The following UNC13C variants were observed in gnomAD, a reference collection of about 807,000 sequenced individuals.
The protein encoded by UNC13C is protein unc-13 homolog C.
UNC13C carries 174 observed loss-of-function variants against 245.4 expected under a neutral mutation model. The ratio of observed to expected loss-of-function variants is 0.71; its 90% confidence interval spans 0.63 to 0.80. UNC13C has a LOEUF of 0.80. Ranked by LOEUF, UNC13C falls within the 30% of genes least tolerant of loss-of-function variation. UNC13C has a pLI of 0.00. For synonymous variants in UNC13C, 992 were observed against 895.1 expected, an observed-to-expected ratio of 1.11 and a Z score of -1.93; for missense variants, 2,829 against 2,602.9, an observed-to-expected ratio of 1.09 and a Z score of -1.89.
At chr15:54,591,931 G>T (rs964740863) in intron 30 of UNC13C, among the ~76,000 whole-genome samples, 12 of 151,868 alleles carry the variant, frequency 7.9e-5, no homozygotes, top group African/African-American at 2.9e-4. Flanking sequence ...AGGTGTTTAG[G>T]GTTATGAACT....
chr15:53,870,284 G>A, the UNC13C span, among the ~76,000 whole-genome samples: 1 of 152,128 alleles, frequency 6.6e-6, no homozygotes. Context: ...TCTCCTTTGA[G>A]AAGTCACTTT....
intron 19 of UNC13C, among the ~76,000 whole-genome samples, chr15:54,489,322 G>A (rs1024986210): frequency 1.3e-5 from 2 of 152,114 alleles, no homozygotes; most frequent in African/African-American, 4.8e-5. Flanking sequence ...TATTTTACTT[G>A]TATGATTACT....
rs56316345 is a variant in UNC13C, at chr15:54,172,703, GATATATATATATATAT to G, written c.3071+29062_3071+29077del. Among the ~76,000 whole-genome samples, 552 of 78,348 alleles carry G rather than the reference GATATATATATATATAT, an allele frequency of 7.0e-3. 8 individuals carry two copies. The highest frequency in any genetic ancestry group is 0.017 in the African/African-American group (345 of 20,294). The allele number at this position is 78,348 out of a possible 152,430, so 51.4% of individuals were successfully genotyped here. On this transcript the variant is annotated intron_variant, in intron 4 of 32. Transcript: ENST00000260323. ...TATGACAAAGTCAAATACACACACA[GATATATATATATATAT>G]ATATATATATATATATATATATATA... is the stretch of plus-strand genomic sequence containing the variant.
At chr15:54,270,329 G>A (rs2036654238) in intron 10 of UNC13C, among the ~76,000 whole-genome samples, 1 of 152,024 alleles carries the variant, frequency 6.6e-6, no homozygotes, top group Admixed American at 6.6e-5. Context: ...TGTGAACTGG[G>A]GTGGAAAAAT....
intron 2 of UNC13C, among the ~76,000 whole-genome samples, chr15:54,057,277 A>G (rs187030339): frequency 0.018 from 2,750 of 151,576 alleles, 63 homozygotes; most frequent in Admixed American, 0.066. Flanking sequence ...TCTACCAAGC[A>G]AATGGAAAAC....
At chr15:54,543,092 G>A (rs1382400024) in intron 26 of UNC13C, among the ~76,000 whole-genome samples, 1 of 152,072 alleles carries the variant, frequency 6.6e-6, no homozygotes, top group Non-Finnish European at 1.5e-5. Context: ...TCTTCATAGT[G>A]TCAATGGTCT....
chr15:53,879,693 A>G, the UNC13C span, among the ~76,000 whole-genome samples: 4 of 151,966 alleles, frequency 2.6e-5, no homozygotes, highest in East Asian at 5.8e-4. Context: ...GGTTCAAGCA[A>G]TTCTCTGCCT....
chr15:54,550,205 C>T (rs1896678002), intron 28 of UNC13C, among the ~76,000 whole-genome samples: 1 of 152,122 alleles, frequency 6.6e-6, no homozygotes, highest in African/African-American at 2.4e-5. Context: ...TATTCCATTT[C>T]TACCTACTAG....
At chr15:54,300,939 A>C (rs1373398856) in intron 13 of UNC13C, among the ~76,000 whole-genome samples, 1 of 152,168 alleles carries the variant, frequency 6.6e-6, no homozygotes, top group African/African-American at 2.4e-5. Flanking sequence ...TTTATTTAGC[A>C]CCCATAGAAC....
the UNC13C span, among the ~76,000 whole-genome samples, chr15:53,894,792 T>C: frequency 7.2e-5 from 11 of 152,314 alleles, 1 homozygote; most frequent in Admixed American, 7.2e-4. Flanking sequence ...TATAATTTTG[T>C]AAAACTTTTA....
intron 1 of UNC13C, among the ~76,000 whole-genome samples, chr15:53,984,189 C>T (rs1894035635): frequency 6.6e-6 from 1 of 152,032 alleles, no homozygotes; most frequent in Admixed American, 6.6e-5. Flanking sequence ...GCCTTAAATA[C>T]TTAGTATGGC....
chr15:54,238,075 G>A (rs1315966574), intron 7 of UNC13C, among the ~76,000 whole-genome samples: 1 of 26,452 alleles, frequency 3.8e-5, no homozygotes, highest in Non-Finnish European at 6.2e-5. Flanking sequence ...GACTTTTATA[G>A]GTTTTTTTTT....
intron 19 of UNC13C, among the ~76,000 whole-genome samples, chr15:54,465,484 A>G (rs1289063259): frequency 6.6e-6 from 1 of 152,098 alleles, no homozygotes; most frequent in Admixed American, 6.5e-5. Flanking sequence ...AGGAGCCATT[A>G]GTATAACTCC....
chr15:54,333,676 A>G, intron 15 of UNC13C, 91 bp from the exon 16 acceptor site: 2 of 777,108 alleles, frequency 2.6e-6, no homozygotes. Flanking sequence ...TTTACTTTCC[A>G]TTTTCTTTCA....
At chr15:54,386,559 A>T (rs919288467) in intron 17 of UNC13C, among the ~76,000 whole-genome samples, 1 of 152,154 alleles carries the variant, frequency 6.6e-6, no homozygotes, top group African/African-American at 2.4e-5. Context: ...AAATTAGGGC[A>T]AAATATAAGG....
At chr15:53,955,091 A>C in the UNC13C span, among the ~76,000 whole-genome samples, 1 of 152,232 alleles carries the variant, frequency 6.6e-6, no homozygotes, top group African/African-American at 2.4e-5. Flanking sequence ...AAGTGCCAGA[A>C]TAGTGCCATT....
At chr15:54,445,058 A>C (rs1567277432) in intron 19 of UNC13C, among the ~76,000 whole-genome samples, 1 of 146,646 alleles carries the variant, frequency 6.8e-6, no homozygotes. Flanking sequence ...GAGTGAGAAT[A>C]TGCAGTGTTT....
the UNC13C span, among the ~76,000 whole-genome samples, chr15:53,940,076 AT>A: frequency 6.6e-6 from 1 of 152,026 alleles, no homozygotes; most frequent in Non-Finnish European, 1.5e-5. Context: ...TGTGGTCTGG[AT>A]GGTTTGTAAT....
intron 17 of UNC13C, among the ~76,000 whole-genome samples, chr15:54,340,963 TG>T (rs2038714121): frequency 6.6e-6 from 1 of 152,168 alleles, no homozygotes; most frequent in South Asian, 2.1e-4. Context: ...CAATACATGC[TG>T]GTAAGGCTGC....
Sources: allele counts gnomAD v4.1 joint callset (sites outside exome capture counted in the v4.1 genomes callset), GRCh38; gene constraint gnomAD v4.1.1; transcripts MANE v1.5; gene names NCBI Gene and HGNC (gene_info 2026-07-23, HGNC 2026-07-21).